The following GARIN2 variants were observed in gnomAD, a reference collection of about 807,000 sequenced individuals.
The protein encoded by GARIN2 is Golgi-associated RAB2 interactor protein 2.
At chr14:67,192,399 C>A in the GARIN2 span, among the ~76,000 whole-genome samples, 1 of 151,940 alleles carries the variant, frequency 6.6e-6, no homozygotes, top group East Asian at 1.9e-4. Flanking sequence ...CTACCTAACA[C>A]CTTGAACAAT....
the GARIN2 span, chr14:67,208,074 C>G: frequency 8.0e-6 from 11 of 1,373,146 alleles, no homozygotes; most frequent in South Asian, 1.5e-5. Flanking sequence ...TCACTCCCTC[C>G]TTACTACTCC....
chr14:67,210,037 A>G, the GARIN2 span, among the ~76,000 whole-genome samples: 18 of 152,280 alleles, frequency 1.2e-4, no homozygotes, highest in African/African-American at 3.4e-4. Flanking sequence ...TTAGGTGTCA[A>G]CAACACTCTT....
At chr14:67,224,040 T>G in the GARIN2 span, 1 of 937,528 alleles carries the variant, frequency 1.1e-6, no homozygotes, top group Non-Finnish European at 1.3e-6. Context: ...GCTCATCTGA[T>G]TCACATTCAC....
chr14:67,202,647 GA>G, the GARIN2 span, among the ~76,000 whole-genome samples: 4 of 152,086 alleles, frequency 2.6e-5, no homozygotes, highest in African/African-American at 9.7e-5. Context: ...AAAGACTAAA[GA>G]ATATTGCATA....
At chr14:67,220,615 A>G in the GARIN2 span, among the ~76,000 whole-genome samples, 2 of 152,228 alleles carry the variant, frequency 1.3e-5, no homozygotes, top group South Asian at 2.1e-4. Flanking sequence ...TTTACTTTAT[A>G]AAACATTTAT....
At chr14:67,207,431 A>C in the GARIN2 span, among the ~76,000 whole-genome samples, 5 of 152,288 alleles carry the variant, frequency 3.3e-5, no homozygotes, top group South Asian at 1.0e-3. Context: ...TGAGGACAGC[A>C]CCAAGCCATT....
At chr14:67,208,436 G>C in the GARIN2 span, 14 of 1,613,136 alleles carry the variant, frequency 8.7e-6, no homozygotes, top group Non-Finnish European at 1.1e-5. Flanking sequence ...AGCTCTCAAG[G>C]CTGAAGAATC....
the GARIN2 span, among the ~76,000 whole-genome samples, chr14:67,217,413 T>C: frequency 6.6e-6 from 1 of 152,188 alleles, no homozygotes; most frequent in South Asian, 2.1e-4. Flanking sequence ...ACATTTAAGG[T>C]TATTAGTGAT....
the GARIN2 span, among the ~76,000 whole-genome samples, chr14:67,214,430 C>T: frequency 6.6e-6 from 1 of 152,314 alleles, no homozygotes; most frequent in Non-Finnish European, 1.5e-5. Context: ...GGAATCCTTT[C>T]CCCATTGCTT....
At chr14:67,223,947 C>A in the GARIN2 span, 2 of 984,966 alleles carry the variant, frequency 2.0e-6, no homozygotes, top group East Asian at 2.3e-4. Context: ...AAAATGAGTC[C>A]GTAATTCTAA....
At chr14:67,211,938 ACTT>A in the GARIN2 span, among the ~76,000 whole-genome samples, 2 of 152,188 alleles carry the variant, frequency 1.3e-5, no homozygotes, top group Non-Finnish European at 2.9e-5. Context: ...TCCCTGCAAA[ACTT>A]CTCAAAAACG....
chr14:67,194,393 G>A, the GARIN2 span, among the ~76,000 whole-genome samples: 3 of 151,890 alleles, frequency 2.0e-5, no homozygotes, highest in Non-Finnish European at 4.4e-5. Flanking sequence ...CTAGTAAATA[G>A]TTAATGTACT....
chr14:67,199,365 T>G, the GARIN2 span: 1 of 1,614,024 alleles, frequency 6.2e-7, no homozygotes. Context: ...GGGGCCAACA[T>G]TTTCAATGGG....
chr14:67,225,987 G>A, the GARIN2 span, among the ~76,000 whole-genome samples: 8 of 150,708 alleles, frequency 5.3e-5, no homozygotes, highest in South Asian at 2.1e-4. Flanking sequence ...GCGCATGCGC[G>A]TGCATGCTCA....
chr14:67,198,327 C>T, the GARIN2 span: 1 of 1,609,832 alleles, frequency 6.2e-7, no homozygotes, highest in Non-Finnish European at 8.5e-7. Flanking sequence ...CCAGGTAAAT[C>T]ATATTCAAGG....
the GARIN2 span, among the ~76,000 whole-genome samples, chr14:67,194,253 A>ATGAACAGC: frequency 4.0e-5 from 6 of 150,962 alleles, no homozygotes; most frequent in Admixed American, 3.3e-4. Context: ...GGTCCCAACT[A>ATGAACAGC]CTCGGGAGGC....
At chr14:67,225,624 C>A in the GARIN2 span, among the ~76,000 whole-genome samples, 4 of 151,698 alleles carry the variant, frequency 2.6e-5, no homozygotes, top group Non-Finnish European at 5.9e-5. Flanking sequence ...TCTTTTTTTT[C>A]ATAGCAAAAT....
chr14:67,221,301 G>A, the GARIN2 span, among the ~76,000 whole-genome samples: 1 of 152,188 alleles, frequency 6.6e-6, no homozygotes, highest in Non-Finnish European at 1.5e-5. Context: ...AGACTTGGTG[G>A]TAAAGAAGCT....
the GARIN2 span, chr14:67,225,056 C>A: frequency 7.2e-7 from 1 of 1,381,216 alleles, no homozygotes; most frequent in Non-Finnish European, 9.6e-7. Context: ...TTTTTTCTTT[C>A]TCACTTCCTC....
Sources: allele counts gnomAD v4.1 joint callset (sites outside exome capture counted in the v4.1 genomes callset), GRCh38; gene constraint gnomAD v4.1.1; transcripts MANE v1.5; gene names NCBI Gene and HGNC (gene_info 2026-07-23, HGNC 2026-07-21).